Variants in DSCAML1 observed in about 807,000 individuals in gnomAD.
The protein encoded by DSCAML1 is DS cell adhesion molecule like 1.
Under a neutral mutation model 200.5 loss-of-function variants are expected in DSCAML1, and 38 were observed. The observed-to-expected ratio is 0.19, with a 90% CI of 0.15 to 0.25. The LOEUF (loss-of-function observed/expected upper bound fraction) is 0.25. Among genes scored for constraint, DSCAML1 ranks in the 10% least tolerant of loss-of-function variants. The pLI, the probability that DSCAML1 is intolerant of heterozygous loss-of-function variation, is 1.00. For missense variants in DSCAML1, 2,223 were observed against 2,858.8 expected (o/e 0.78, Z 5.07); for synonymous variants, 1,215 against 1,165.0 (o/e 1.04, Z -0.87).
rs755052746 is a variant in DSCAML1 at position 117,437,082 on chromosome 11, C to T, written c.4720+40G>A. ...TGCCCACTTCCTTCGCACCACCCTG[C>T]TCCAGCCTCTGTACCATCCCTTCCA... On this transcript the variant is annotated intron_variant, in intron 26 of 32. Transcript: ENST00000651296. The surrounding 1 kb of genome is among the most constrained non-coding windows in gnomAD (Gnocchi z 5.3). 1 of 1,585,936 alleles carries T rather than the reference C, an allele frequency of 6.3e-7. No homozygotes were observed. Among genetic ancestry groups the T allele is most frequent in the South Asian group, 1.1e-5 (1 of 87,274 alleles).
In DSCAML1 at chr11:117,481,957, GC is replaced by G. The variant is rs1374705747; in HGVS notation, c.2559+5del. 1 of 1,613,680 alleles carries G rather than the reference GC, an allele frequency of 6.2e-7. No homozygotes were observed. The highest frequency in any genetic ancestry group is 1.7e-5 in the Admixed American group (1 of 60,008). Reference sequence around the variant, plus strand: ...GGTCCCCCAGCACTGAGGTGGGGGTGCTCACCTTCAGTGTGGAGACGACCTC... The same window carrying G: ...GGTCCCCCAGCACTGAGGTGGGGGTGTCACCTTCAGTGTGGAGACGACCTC... On this transcript the variant is annotated splice_donor_5th_base_variant and intron_variant, in intron 12 of 32. Transcript: ENST00000651296.
intron 3 of DSCAML1, among the ~76,000 whole-genome samples, chr11:117,743,527 A>T (rs192137480): frequency 2.6e-5 from 4 of 152,138 alleles, no homozygotes; most frequent in Non-Finnish European, 5.9e-5. Context: ...AACATACAGG[A>T]TGCTGAGCAG....
intron 3 of DSCAML1, among the ~76,000 whole-genome samples, chr11:117,585,682 C>A (rs1269845383): frequency 6.6e-6 from 1 of 152,212 alleles, no homozygotes; most frequent in African/African-American, 2.4e-5. Context: ...AATGGAACCC[C>A]TGTTGATCCT....
chr11:117,610,926 G>GCAA (rs1565825053), intron 3 of DSCAML1, among the ~76,000 whole-genome samples: 2 of 148,092 alleles, frequency 1.4e-5, no homozygotes, highest in African/African-American at 5.0e-5. Flanking sequence ...ATTCCTAGAA[G>GCAA]TAGCATTGCT....
chr11:117,488,820 C>T (rs2049132918), intron 11 of DSCAML1, among the ~76,000 whole-genome samples: 1 of 152,252 alleles, frequency 6.6e-6, no homozygotes. Flanking sequence ...TTACCATGTC[C>T]TGGCAGGATT....
chr11:117,698,611 A>T (rs1025921455), intron 3 of DSCAML1, among the ~76,000 whole-genome samples: 1 of 152,108 alleles, frequency 6.6e-6, no homozygotes, highest in Non-Finnish European at 1.5e-5. Flanking sequence ...AATAGTAGTC[A>T]TTTTAATGGG....
intron 3 of DSCAML1, among the ~76,000 whole-genome samples, chr11:117,765,346 C>G (rs1456345426): frequency 6.6e-6 from 1 of 152,314 alleles, no homozygotes. Flanking sequence ...TAATGGGAGG[C>G]TTGGGCTTTG....
intron 3 of DSCAML1, among the ~76,000 whole-genome samples, chr11:117,581,531 A>G (rs761633735): frequency 6.6e-6 from 1 of 152,198 alleles, no homozygotes; most frequent in Non-Finnish European, 1.5e-5. Context: ...CTAGAACACT[A>G]TATTTATGAA....
In DSCAML1 at chr11:117,469,974, T is replaced by A. The variant is rs764027967; in HGVS notation, c.2960A>T (p.Asp987Val). 5 of 1,604,208 alleles carry A rather than the reference T, an allele frequency of 3.1e-6. No homozygotes were observed. In the South Asian group the frequency reaches 5.6e-5, roughly 18 times the overall value. ...CAAGGTAACATCCATGGGGGGCCCA[T>A]CGGGAGCTGAGCAGGGTAGCGGGGA... is the stretch of plus-strand genomic sequence containing the variant. Reference protein sequence around the residue: ...LTISTEEAAPDGPPMDVTLQP... With the variant: ...LTISTEEAAPVGPPMDVTLQP... The change falls in exon 16 of 33, where the codon GAT becomes GTT. Residue 987 changes from aspartate (D) to valine (V), a missense_variant. Physicochemically the swap from Asp to Val is radical, Grantham distance 152. This residue lies in a region of DSCAML1 where 438 missense variants were observed against 629.7 expected (regional missense o/e 0.70). Transcript: ENST00000651296. The surrounding 1 kb of genome is among the most constrained non-coding windows in gnomAD (Gnocchi z 4.1).
intron 11 of DSCAML1, among the ~76,000 whole-genome samples, chr11:117,486,256 G>C: frequency 1.4e-5 from 1 of 72,464 alleles, no homozygotes; most frequent in East Asian, 3.8e-4. Flanking sequence ...TGGCGGATGG[G>C]AAAGTGGTGG....
chr11:117,698,868 G>T (rs964021287), intron 3 of DSCAML1, among the ~76,000 whole-genome samples: 1 of 152,206 alleles, frequency 6.6e-6, no homozygotes, highest in Non-Finnish European at 1.5e-5. Flanking sequence ...ACAGCGGGAT[G>T]CTCTGAGGGA....
intron 3 of DSCAML1, among the ~76,000 whole-genome samples, chr11:117,592,012 G>A (rs1565812399): frequency 6.6e-6 from 1 of 152,186 alleles, no homozygotes; most frequent in African/African-American, 2.4e-5. Flanking sequence ...ACCTGGGCCA[G>A]GTTGGGTGAC....
chr11:117,698,222 C>T (rs758266639), intron 3 of DSCAML1, among the ~76,000 whole-genome samples: 2 of 152,124 alleles, frequency 1.3e-5, no homozygotes, highest in Admixed American at 6.5e-5. Flanking sequence ...GGAAACTGAC[C>T]CTGTGTTCAA....
At chr11:117,522,056 G>A (rs1158788660) in intron 5 of DSCAML1, among the ~76,000 whole-genome samples, 1 of 152,252 alleles carries the variant, frequency 6.6e-6, no homozygotes, top group Non-Finnish European at 1.5e-5. Context: ...GGGGTTCAAA[G>A]GGGTTCCGTT....
At chr11:117,536,733 T>C (rs1384814515) in intron 3 of DSCAML1, among the ~76,000 whole-genome samples, 1 of 152,154 alleles carries the variant, frequency 6.6e-6, no homozygotes. Flanking sequence ...GCTTGATTGA[T>C]TGACATATTT....
intron 1 of DSCAML1, among the ~76,000 whole-genome samples, chr11:117,784,434 A>G (rs1276226803): frequency 6.6e-6 from 1 of 152,190 alleles, no homozygotes; most frequent in Non-Finnish European, 1.5e-5. Flanking sequence ...CAAATACCTC[A>G]AATCTCTGCT....
chr11:117,582,042 G>A (rs749133973), intron 3 of DSCAML1, among the ~76,000 whole-genome samples: 6 of 152,162 alleles, frequency 3.9e-5, no homozygotes, highest in Non-Finnish European at 4.4e-5. Flanking sequence ...CATCGGATGC[G>A]CATTCTCTGA....
chr11:117,484,196 T>G (rs1237311058), intron 11 of DSCAML1, among the ~76,000 whole-genome samples: 1 of 152,156 alleles, frequency 6.6e-6, no homozygotes, highest in Admixed American at 6.5e-5. Flanking sequence ...GACGTCTGAC[T>G]TTTATGGACA....
At chr11:117,808,521 GGA>G (rs137918479) in intron 1 of DSCAML1, among the ~76,000 whole-genome samples, 3 of 152,126 alleles carry the variant, frequency 2.0e-5, no homozygotes. Context: ...GTGAGGTGAA[GGA>G]GAGAGAGATC....
Sources: allele counts gnomAD v4.1 joint callset (sites outside exome capture counted in the v4.1 genomes callset), GRCh38; gene constraint gnomAD v4.1.1; regional missense constraint gnomAD v4.1.1; non-coding constraint Gnocchi (gnomAD v3.1); transcripts MANE v1.5; gene names NCBI Gene and HGNC (gene_info 2026-07-23, HGNC 2026-07-21).